The following DLG2 variants were observed in gnomAD, a reference collection of about 807,000 sequenced individuals.
DLG2 encodes disks large homolog 2.
Under a neutral mutation model 132.5 loss-of-function variants are expected in DLG2, and 45 were observed. The ratio of observed to expected loss-of-function variants is 0.34; its 90% CI spans 0.27 to 0.44. The LOEUF (loss-of-function observed/expected upper bound fraction) is 0.44. DLG2 is among the 20% of genes least tolerant of loss of function. The pLI is 1.00. For missense variants in DLG2, 1,045 were observed against 1,196.9 expected (o/e 0.87, Z 1.87); for synonymous variants, 424 against 419.6 (o/e 1.01, Z -0.13).
chr11:85,140,125 G>A (rs572221284), intron 5 of DLG2, among the ~76,000 whole-genome samples: 5 of 152,030 alleles, frequency 3.3e-5, no homozygotes, highest in South Asian at 4.1e-4. Flanking sequence ...AAGGTCATAC[G>A]AGTGCAAATA....
chr11:84,362,131 A>G (rs187780710), intron 7 of DLG2, among the ~76,000 whole-genome samples: 1 of 152,072 alleles, frequency 6.6e-6, no homozygotes, highest in African/African-American at 2.4e-5. Flanking sequence ...CAAACTAGAA[A>G]CCAAACTTAA....
At chr11:84,706,083 A>G (rs1010613956) in intron 6 of DLG2, among the ~76,000 whole-genome samples, 2 of 151,818 alleles carry the variant, frequency 1.3e-5, no homozygotes, top group East Asian at 1.9e-4. Flanking sequence ...TTCCATGAAG[A>G]GATGACACAA....
intron 6 of DLG2, among the ~76,000 whole-genome samples, chr11:84,654,410 G>A (rs151180949): frequency 6.6e-6 from 1 of 152,214 alleles, no homozygotes; most frequent in East Asian, 1.9e-4. Flanking sequence ...TCACTTTCCT[G>A]GGGGGAGGGA....
chr11:84,502,358 CTTTCTTTCTTTCTTTCTTT>C (rs2099219836), intron 7 of DLG2, among the ~76,000 whole-genome samples: 1 of 66,054 alleles, frequency 1.5e-5, no homozygotes, highest in African/African-American at 9.0e-5. Flanking sequence ...TTCTTTCTTT[CTTTCTTTCTTTCTTTCTTT>C]CTTTCTTTCT....
chr11:83,646,134 CA>C, intron 18 of DLG2, among the ~76,000 whole-genome samples: 1 of 152,208 alleles, frequency 6.6e-6, no homozygotes, highest in East Asian at 1.9e-4. Context: ...AGAACTATAG[CA>C]GAAACAGCAG....
chr11:84,446,402 C>T (rs1162189568), intron 7 of DLG2, among the ~76,000 whole-genome samples: 1 of 151,998 alleles, frequency 6.6e-6, no homozygotes, highest in African/African-American at 2.4e-5. Context: ...TTTTCTGCAT[C>T]GTATTGTACA....
chr11:84,928,956 A>ATGTGTG (rs1491109152), intron 6 of DLG2, among the ~76,000 whole-genome samples: 16 of 45,070 alleles, frequency 3.6e-4, no homozygotes, highest in Non-Finnish European at 6.9e-4. Context: ...ATACTCTCTG[A>ATGTGTG]TATGTGTGTG....
chr11:84,069,347 C>T (rs1359616051), intron 10 of DLG2, among the ~76,000 whole-genome samples: 1 of 152,168 alleles, frequency 6.6e-6, no homozygotes, highest in Non-Finnish European at 1.5e-5. Context: ...ACTCCAAACC[C>T]AACCCCTCTA....
At chr11:84,861,649 A>AAAAAC in intron 6 of DLG2, among the ~76,000 whole-genome samples, 2 of 140,340 alleles carry the variant, frequency 1.4e-5, no homozygotes, top group Non-Finnish European at 3.1e-5. Context: ...ACAAAAAAAA[A>AAAAAC]AACCTATCAG....
intron 6 of DLG2, among the ~76,000 whole-genome samples, chr11:84,551,209 G>A (rs1309914491): frequency 1.3e-5 from 2 of 152,084 alleles, no homozygotes; most frequent in Non-Finnish European, 2.9e-5. Context: ...CCTCAAATAA[G>A]GTTGCTTTAT....
At chr11:84,547,338 T>C (rs968866802) in intron 6 of DLG2, among the ~76,000 whole-genome samples, 3 of 152,178 alleles carry the variant, frequency 2.0e-5, no homozygotes, top group African/African-American at 4.8e-5. Context: ...CCATAACACA[T>C]AGACAGTTTA....
chr11:83,532,844 T>C (rs1030847297), intron 20 of DLG2, 61 bp from the exon 21 acceptor site: 4 of 1,413,542 alleles, frequency 2.8e-6, no homozygotes, highest in East Asian at 2.3e-5. Context: ...CTAAGTTCCA[T>C]ATTAAGTGAA....
rs11338428 is a variant in DLG2, at chr11:84,174,014, C to CTTTTTTTTTTT, written c.574-10514_574-10504dup. Among the ~76,000 whole-genome samples, 278 of 61,182 alleles carry CTTTTTTTTTTT rather than the reference C, an allele frequency of 4.5e-3. 39 individuals carry two copies. The highest frequency in any genetic ancestry group is 7.6e-3 in the African/African-American group (116 of 15,352). The allele number at this position is 61,182 out of a possible 152,430, so 40.1% of individuals were successfully genotyped here. A position where few individuals can be genotyped will look rare whatever the true frequency, so the allele number is the denominator to read the frequency against. Reference sequence around the variant, plus strand: ...CTGAGTTTTGACTTCACCCCCCGGCCTTTTTTTTTTTTTTTTTTTTTTCTG... The same window carrying CTTTTTTTTTTT: ...CTGAGTTTTGACTTCACCCCCCGGCCTTTTTTTTTTTTTTTTTTTTTTTTTTTTTTTTTCTG... On this transcript the variant is annotated intron_variant, in intron 8 of 27. Coordinates refer to ENST00000376104, the MANE Select transcript of DLG2 (RefSeq NM_001142699.3).
At chr11:83,516,290 T>C (rs543697318) in intron 21 of DLG2, among the ~76,000 whole-genome samples, 2 of 152,310 alleles carry the variant, frequency 1.3e-5, no homozygotes, top group South Asian at 4.1e-4. Flanking sequence ...TGGCCTTCTT[T>C]GTCTGTTTTG....
At position 84,373,251 on chromosome 11, in the gene DLG2, A is replaced by AAAAAAAAAAAC. The variant is rs1397136615; in HGVS notation, c.520-121961_520-121960insGTTTTTTTTTT. On this transcript the variant is annotated intron_variant, in intron 7 of 27. Transcript: ENST00000376104. ...GTTTTTTCCAATTAAGAAACAGTCA[A>AAAAAAAAAAAC]AAAAAAAAAAAAACAAAACAAAAAA... Among the ~76,000 whole-genome samples the AAAAAAAAAAAC allele has an allele frequency of 6.6e-5, 5 of 75,790 alleles. 1 individual carries two copies. The highest frequency in any genetic ancestry group is 1.3e-4 in the Admixed American group (1 of 7,942). 49.7% of individuals were successfully genotyped at this position (75,790 alleles called of 152,430 possible). A position where few individuals can be genotyped will look rare whatever the true frequency, so the allele number is the denominator to read the frequency against.
intron 9 of DLG2, among the ~76,000 whole-genome samples, chr11:84,131,158 G>A (rs547588151): frequency 4.1e-4 from 62 of 152,038 alleles, no homozygotes; most frequent in Non-Finnish European, 7.2e-4. Flanking sequence ...AGAAAAAGAT[G>A]AAGTTCACAT....
At chr11:85,039,319 G>T (rs554623801) in intron 6 of DLG2, among the ~76,000 whole-genome samples, 2 of 151,650 alleles carry the variant, frequency 1.3e-5, no homozygotes, top group East Asian at 3.9e-4. Flanking sequence ...ATTCACCCAC[G>T]ATATCTTATA....
intron 14 of DLG2, among the ~76,000 whole-genome samples, chr11:83,961,744 T>C (rs1361841077): frequency 6.6e-6 from 1 of 152,022 alleles, no homozygotes; most frequent in Non-Finnish European, 1.5e-5. Flanking sequence ...CTCTGGTGGA[T>C]AAAGGTGCCT....
chr11:85,067,942 G>T (rs999789762), intron 6 of DLG2, among the ~76,000 whole-genome samples: 1 of 151,910 alleles, frequency 6.6e-6, no homozygotes, highest in Non-Finnish European at 1.5e-5. Flanking sequence ...ACATCAAAAA[G>T]CTTATCCACC....
Sources: allele counts gnomAD v4.1 joint callset (sites outside exome capture counted in the v4.1 genomes callset), GRCh38; gene constraint gnomAD v4.1.1; transcripts MANE v1.5; gene names NCBI Gene and HGNC (gene_info 2026-07-23, HGNC 2026-07-21).